Variants in STXBP3 observed in about 807,000 individuals in gnomAD.
STXBP3 encodes syntaxin-binding protein 3.
Under a neutral mutation model 85.7 loss-of-function variants are expected in STXBP3, and 41 were observed. The observed-to-expected ratio is 0.48, with a 90% confidence interval of 0.37 to 0.62. The LOEUF (loss-of-function observed/expected upper bound fraction) is 0.62, where lower values mean the gene tolerates loss of function less well. Ranked by LOEUF, STXBP3 falls within the 20% of genes least tolerant of loss-of-function variation. The pLI is 0.00. For missense variants in STXBP3, 563 were observed against 703.1 expected (o/e 0.80, Z 2.25); for synonymous variants, 229 against 231.7 (o/e 0.99, Z 0.10).
intron 12 of STXBP3, among the ~76,000 whole-genome samples, chr1:108,794,251 C>T (rs1239481654): frequency 6.6e-6 from 1 of 152,168 alleles, no homozygotes; most frequent in African/African-American, 2.4e-5. Context: ...CCCATTTATG[C>T]TGTCTGTTGA....
intron 5 of STXBP3, among the ~76,000 whole-genome samples, chr1:108,759,758 T>C (rs1364361616): frequency 6.6e-6 from 1 of 152,194 alleles, no homozygotes; most frequent in African/African-American, 2.4e-5. Flanking sequence ...GAAATACATC[T>C]GAGGTTGTGG....
At chr1:108,780,174 A>G (rs1261873036) in intron 9 of STXBP3, 3 of 152,178 alleles carry the variant, frequency 2.0e-5, no homozygotes, top group South Asian at 2.1e-4. Flanking sequence ...GTTTTAAGAT[A>G]CAGACACTTG....
intron 16 of STXBP3, among the ~76,000 whole-genome samples, chr1:108,799,666 A>C (rs1663191462): frequency 6.6e-6 from 1 of 152,214 alleles, no homozygotes; most frequent in South Asian, 2.1e-4. Flanking sequence ...CCATAAAAAA[A>C]ATGTGAGCAT....
chr1:108,793,445 T>C, intron 11 of STXBP3, 137 bp from the exon 12 acceptor site: 1 of 638,460 alleles, frequency 1.6e-6, no homozygotes, highest in African/African-American at 1.9e-5. Context: ...GCCTCCTAAA[T>C]TCTTCTTTCA....
At position 108,746,750 on chromosome 1, in the gene STXBP3, G is replaced by A; in HGVS notation, c.13G>A (p.Val5Met). 6.5e-7 allele frequency: 1 copy of A among 1,550,270 alleles called. No individual in the cohort carries two copies. Among genetic ancestry groups the A allele is most frequent in the Non-Finnish European group, 8.7e-7 (1 of 1,146,378 alleles). The change falls in exon 1 of 19, where the codon GTG becomes ATG. Residue 5 changes from valine (V) to methionine (M), a missense_variant. Transcript: ENST00000370008. ...CAGTGTCGGGAAGATGGCGCCGCCG[G>A]TGGCAGAGAGGGGGCTAAAGAGCGT... is the stretch of plus-strand genomic sequence containing the variant. MAPP[V>M]AERGLKSVVW...
intron 6 of STXBP3, among the ~76,000 whole-genome samples, chr1:108,765,782 G>T (rs1662251068): frequency 1.3e-5 from 2 of 151,328 alleles, no homozygotes; most frequent in Admixed American, 1.3e-4. Context: ...TGTTGACCAG[G>T]CTGGTCTCAA....
rs552326305 is a variant in STXBP3 at position 108,807,556 on chromosome 1, C to T, written c.1684+7C>T. Reference sequence around the variant, plus strand: ...TCCTGTGAAGTTATTATTGGTAAGACTTTCATTTTCTTCTTTTCTGTTTTT... The same window carrying T: ...TCCTGTGAAGTTATTATTGGTAAGATTTTCATTTTCTTCTTTTCTGTTTTT... On this transcript the variant is annotated splice_region_variant and intron_variant, in intron 18 of 18. Transcript: ENST00000370008. The T allele has an allele frequency of 3.9e-4, 589 of 1,514,312 alleles. 9 individuals carry two copies. The South Asian group carries it at 6.5e-3, about 17-fold the overall frequency. 93.8% of individuals were successfully genotyped at this position (1,514,312 alleles called of 1,614,324 possible).
At chr1:108,753,169 A>C in intron 3 of STXBP3, 25 bp downstream of exon 3, 1 of 1,485,398 alleles carries the variant, frequency 6.7e-7, no homozygotes, top group Non-Finnish European at 9.0e-7. Flanking sequence ...TGGCATGAAC[A>C]CTTTTTAATT....
At chr1:108,770,201 T>C (rs1009791872) in intron 6 of STXBP3, among the ~76,000 whole-genome samples, 4 of 151,860 alleles carry the variant, frequency 2.6e-5, no homozygotes, top group Non-Finnish European at 4.4e-5. Flanking sequence ...GAGGCTGAAA[T>C]TGAGGATCGC....
intron 7 of STXBP3, 136 bp from the exon 8 acceptor site, chr1:108,776,197 T>C (rs913865127): frequency 1.4e-5 from 7 of 506,508 alleles, no homozygotes; most frequent in East Asian, 1.3e-4. Flanking sequence ...ATCTGAACTT[T>C]TACATGTTTA....
chr1:108,797,892 T>G (rs1663142852), intron 15 of STXBP3, among the ~76,000 whole-genome samples: 1 of 152,160 alleles, frequency 6.6e-6, no homozygotes, highest in African/African-American at 2.4e-5. Context: ...TCAAGTTTTA[T>G]AATACTTTTA....
intron 11 of STXBP3, 55 bp from the exon 12 acceptor site, chr1:108,793,527 A>C (rs1322729810): frequency 1.4e-5 from 20 of 1,410,906 alleles, no homozygotes; most frequent in Non-Finnish European, 1.9e-5. Context: ...TCAAAGTTGT[A>C]ATATGGAATA....
intron 11 of STXBP3, among the ~76,000 whole-genome samples, chr1:108,786,769 T>G (rs886752512): frequency 5.3e-5 from 8 of 152,220 alleles, no homozygotes; most frequent in African/African-American, 1.4e-4. Flanking sequence ...AACCTTTGTC[T>G]TTTAATACAC....
In STXBP3 at chr1:108,807,517, C is replaced by G; in HGVS notation, c.1652C>G (p.Ser551Cys). The G allele has an allele frequency of 6.2e-7, 1 of 1,609,990 alleles. No homozygotes were observed. The highest frequency in any genetic ancestry group is 8.5e-7 in the Non-Finnish European group (1 of 1,178,962). The change falls in exon 18 of 19, where the codon TCT (serine) becomes TGT (cysteine). Residue 551 changes from serine to cysteine, a missense_variant. By Grantham distance (112) the Ser-to-Cys change is moderately radical. Coordinates refer to ENST00000370008, the MANE Select transcript of STXBP3 (RefSeq NM_007269.4). Reference sequence around the variant, plus strand: ...GAAGTGCGTTGTGCTTATGAAGTTTCTCAGGCACATAAATCCTGTGAAGTT... The same window carrying G: ...GAAGTGCGTTGTGCTTATGAAGTTTGTCAGGCACATAAATCCTGTGAAGTT... ...YSEVRCAYEV[S>C]QAHKSCEVII...
At chr1:108,756,554 T>A (rs892112307) in intron 3 of STXBP3, 136 bp from the exon 4 acceptor site, 1 of 421,004 alleles carries the variant, frequency 2.4e-6, no homozygotes, top group Non-Finnish European at 4.1e-6. Flanking sequence ...TTAAACCCAG[T>A]AAATGTTTTT....
chr1:108,798,048 A>G, intron 15 of STXBP3, 97 bp from the exon 16 acceptor site: 2 of 1,043,932 alleles, frequency 1.9e-6, no homozygotes, highest in South Asian at 1.6e-5. Context: ...ACAATATAGT[A>G]TTTACTGGTA....
intron 6 of STXBP3, 130 bp from the exon 7 acceptor site, chr1:108,772,531 ATATC>A (rs962289996): frequency 1.5e-4 from 35 of 238,448 alleles, no homozygotes; most frequent in African/African-American, 7.8e-4. Context: ...CATATGATAT[ATATC>A]TATATAATAT....
At chr1:108,762,299 T>G (rs1256691682) in intron 6 of STXBP3, among the ~76,000 whole-genome samples, 1 of 152,192 alleles carries the variant, frequency 6.6e-6, no homozygotes, top group Non-Finnish European at 1.5e-5. Flanking sequence ...GCTCAACTAA[T>G]TAAAAGAAAA....
intron 11 of STXBP3, among the ~76,000 whole-genome samples, chr1:108,786,725 C>T (rs1363776700): frequency 6.6e-6 from 1 of 152,148 alleles, no homozygotes; most frequent in Non-Finnish European, 1.5e-5. Context: ...ATAAGTCTTC[C>T]AGCTTTGTTC....
Sources: gnomAD v4.1 joint callset for allele counts (sites outside exome capture counted in the v4.1 genomes callset) on GRCh38, gnomAD v4.1.1 for gene constraint, MANE v1.5 for transcripts, NCBI Gene and HGNC (gene_info 2026-07-23, HGNC 2026-07-21) for gene names.